Variants in CAMTA1 observed in about 807,000 individuals in gnomAD.
CAMTA1 encodes calmodulin-binding transcription activator 1.
Under a neutral mutation model 170.9 loss-of-function variants are expected in CAMTA1, and 27 were observed. The ratio of observed to expected loss-of-function variants is 0.16; its 90% CI spans 0.12 to 0.22. The LOEUF is 0.22. CAMTA1 is among the 10% of genes least tolerant of loss of function. CAMTA1 has a pLI of 1.00. For missense variants in CAMTA1, 1,619 were observed against 2,217.2 expected (o/e 0.73, Z 5.42); for synonymous variants, 833 against 891.5 (o/e 0.93, Z 1.17).
At chr1:6,977,562 G>A (rs772676176) in intron 3 of CAMTA1, among the ~76,000 whole-genome samples, 5 of 152,236 alleles carry the variant, frequency 3.3e-5, no homozygotes, top group South Asian at 2.1e-4. Flanking sequence ...GGATGGTATC[G>A]ATTTCCTGAC....
Position 6,921,620 on chromosome 1 carries a change from C to T in CAMTA1, c.234+96410C>T, listed in dbSNP as rs562276853. On this transcript the variant is annotated intron_variant, in intron 3 of 22. Coordinates refer to ENST00000303635, the MANE Select transcript of CAMTA1 (RefSeq NM_015215.4). ...GACATACCCAAGACTGGGCAATTTA[C>T]GAAAGAAAGAGGTTTAATTGGACTC... Among the ~76,000 whole-genome samples, 49 of 152,182 alleles carry T rather than the reference C, an allele frequency of 3.2e-4. No individual in the cohort carries two copies. In the East Asian group the frequency reaches 5.0e-3, roughly 16 times the overall value.
intron 5 of CAMTA1, among the ~76,000 whole-genome samples, chr1:7,403,215 G>A (rs564692537): frequency 8.5e-5 from 13 of 152,086 alleles, no homozygotes; most frequent in African/African-American, 3.1e-4. Flanking sequence ...TTAGCCAGGC[G>A]TGATGACGGG....
rs763824909 is a variant in CAMTA1, at chr1:7,251,873, T to TTGTG, written c.438+2260_438+2263dup. Among the ~76,000 whole-genome samples the TTGTG allele has an allele frequency of 6.6e-6, 1 of 150,828 alleles. No individual in the cohort carries two copies. Among genetic ancestry groups the TTGTG allele is most frequent in the African/African-American group, 2.4e-5 (1 of 41,116 alleles). On this transcript the variant is annotated intron_variant, in intron 5 of 22. Transcript: ENST00000303635. The surrounding 1 kb of genome is among the most constrained non-coding windows in gnomAD (Gnocchi z 5.1). ...GGACTCTGTGTGTGTGTATATATGT[T>TTGTG]TGTGTGTGTGTGTGTGCGTATGTGC...
At position 6,918,605 on chromosome 1, in the gene CAMTA1, C is replaced by T. The variant is rs1003406191; in HGVS notation, c.234+93395C>T. Among the ~76,000 whole-genome samples the T allele has an allele frequency of 6.6e-5, 10 of 152,320 alleles. No homozygotes were observed. The highest frequency in any genetic ancestry group is 1.9e-4 in the East Asian group (1 of 5,186). ...AACCATCAACGCCAGCCTGCCTTGC[C>T]GACAGCACCTCCCGAGGAACTCAGA... On this transcript the variant is annotated intron_variant, in intron 3 of 22. Coordinates refer to ENST00000303635, the MANE Select transcript of CAMTA1 (RefSeq NM_015215.4). This position sits in a 1 kb window ranked among gnomAD's most constrained non-coding sequence, Gnocchi z 4.0.
intron 4 of CAMTA1, among the ~76,000 whole-genome samples, chr1:7,184,873 AG>A (rs1250458571): frequency 6.6e-6 from 1 of 152,230 alleles, no homozygotes; most frequent in Non-Finnish European, 1.5e-5. Flanking sequence ...CAGCTCCCCA[AG>A]TAACTTTTGG....
chr1:6,902,078 AAAAAAT>A (rs1553180480), intron 3 of CAMTA1, among the ~76,000 whole-genome samples: 1 of 86,498 alleles, frequency 1.2e-5, no homozygotes, highest in Non-Finnish European at 2.8e-5. Flanking sequence ...CACACAAAAA[AAAAAAT>A]AAAAATAAAA....
At chr1:6,831,064 C>A (rs11120775) in intron 3 of CAMTA1, among the ~76,000 whole-genome samples, 1 of 151,296 alleles carries the variant, frequency 6.6e-6, no homozygotes, top group African/African-American at 2.4e-5. Context: ...ATGATCCGCC[C>A]GCCTCAGCCT....
At chr1:6,984,367 C>G (rs532837536) in intron 3 of CAMTA1, among the ~76,000 whole-genome samples, 8 of 152,130 alleles carry the variant, frequency 5.3e-5, no homozygotes, top group African/African-American at 1.9e-4. Context: ...AAAGCCAACA[C>G]TTTGGGAGGC....
intron 6 of CAMTA1, among the ~76,000 whole-genome samples, chr1:7,560,092 T>G (rs1360209519): frequency 6.6e-6 from 1 of 152,158 alleles, no homozygotes; most frequent in African/African-American, 2.4e-5. Flanking sequence ...GGATTTGACC[T>G]CCAGCTCAGG....
intron 5 of CAMTA1, among the ~76,000 whole-genome samples, chr1:7,284,177 CTTATTATTA>C (rs537622620): frequency 0.027 from 2,702 of 99,050 alleles, 54 homozygotes; most frequent in African/African-American, 0.042. Context: ...TCTTCTTCTT[CTTATTATTA>C]TTATTATTAT....
chr1:6,910,393 TCAC>T (rs1466772446), intron 3 of CAMTA1, among the ~76,000 whole-genome samples: 1 of 152,236 alleles, frequency 6.6e-6, no homozygotes, highest in African/African-American at 2.4e-5. Flanking sequence ...AGGCACAGAG[TCAC>T]CTGGGTGGCC....
At chr1:7,231,745 C>G (rs1662878830) in intron 4 of CAMTA1, among the ~76,000 whole-genome samples, 1 of 152,206 alleles carries the variant, frequency 6.6e-6, no homozygotes. Flanking sequence ...GGCAGCCAGA[C>G]CTGGGGCCAA....
intron 11 of CAMTA1, among the ~76,000 whole-genome samples, chr1:7,720,445 A>G (rs2096642178): frequency 6.6e-6 from 1 of 152,024 alleles, no homozygotes; most frequent in Admixed American, 6.6e-5. Flanking sequence ...GCAGTGGTGC[A>G]ATCTCGGCTC....
chr1:6,997,200 C>T (rs146410683), intron 3 of CAMTA1, among the ~76,000 whole-genome samples: 91 of 152,236 alleles, frequency 6.0e-4, no homozygotes, highest in African/African-American at 1.9e-3. Context: ...CTCTGTTGGA[C>T]GAATTTTCCG....
At chr1:7,427,427 T>G (rs1435707978) in intron 5 of CAMTA1, among the ~76,000 whole-genome samples, 2 of 152,182 alleles carry the variant, frequency 1.3e-5, no homozygotes, top group African/African-American at 4.8e-5. Context: ...CAGACACCAC[T>G]GATTGTCACT....
chr1:7,542,975 C>T lies in CAMTA1; in HGVS notation c.510+75074C>T, dbSNP rs964965734. ...CACTTCCCGCATTCACGCCATTCTC[C>T]TGCCTCAGCCTCCCGAGTAGCTGGG... On this transcript the variant is annotated intron_variant, in intron 6 of 22. Transcript: ENST00000303635. 5.9e-5 allele frequency among the ~76,000 whole-genome samples: 9 copies of T among 151,968 alleles called. 1 individual carries two copies. The highest frequency in any genetic ancestry group is 3.4e-3 in the Middle Eastern group (1 of 292).
intron 5 of CAMTA1, among the ~76,000 whole-genome samples, chr1:7,259,458 A>G (rs748663456): frequency 1.4e-4 from 21 of 152,330 alleles, no homozygotes; most frequent in Non-Finnish European, 2.8e-4. Context: ...ACCCAGATCT[A>G]CAGAATCCAA....
At chr1:7,085,002 C>G (rs1640546294) in intron 3 of CAMTA1, among the ~76,000 whole-genome samples, 1 of 152,130 alleles carries the variant, frequency 6.6e-6, no homozygotes, top group South Asian at 2.1e-4. Context: ...TTATATTTTA[C>G]TTTTAAGTTC....
chr1:7,425,937 G>T (rs765469683), intron 5 of CAMTA1, among the ~76,000 whole-genome samples: 24 of 152,192 alleles, frequency 1.6e-4, no homozygotes, highest in Non-Finnish European at 3.2e-4. Flanking sequence ...CAATGTTTGT[G>T]ATTTCATTGA....
Sources: allele counts gnomAD v4.1 joint callset (sites outside exome capture counted in the v4.1 genomes callset), GRCh38; gene constraint gnomAD v4.1.1; non-coding constraint Gnocchi (gnomAD v3.1); transcripts MANE v1.5; gene names NCBI Gene and HGNC (gene_info 2026-07-23, HGNC 2026-07-21).